CLDN14: variants seen among roughly 807,000 people sequenced by gnomAD.
CLDN14 encodes the protein claudin-14.
CLDN14 carries 2 observed loss-of-function variants against 2.1 expected under a neutral mutation model. The ratio of observed to expected loss-of-function variants is 0.96; its 90% CI spans 0.39 to 3.01. CLDN14 has a LOEUF of 3.01. Among genes scored for constraint, CLDN14 ranks in the 30% most tolerant of loss-of-function variants. CLDN14 has a pLI of 0.09. For synonymous variants in CLDN14, 136 were observed against 154.4 expected (o/e 0.88, Z 0.88); for missense variants, 298 against 328.0 (o/e 0.91, Z 0.71).
intron 1 of CLDN14, among the ~76,000 whole-genome samples, chr21:36,568,440 T>C (rs533989134): frequency 6.6e-6 from 1 of 152,364 alleles, no homozygotes; most frequent in South Asian, 2.1e-4. Context: ...CGGCATCTTC[T>C]ATGGGCAGTC....
chr21:36,564,238 G>C (rs545182571), intron 1 of CLDN14, among the ~76,000 whole-genome samples: 1 of 152,366 alleles, frequency 6.6e-6, no homozygotes, highest in African/African-American at 2.4e-5. Context: ...TATGTGTCAA[G>C]AAGGATGCCT....
chr21:36,531,692 GTT>G (rs11318014), intron 1 of CLDN14, among the ~76,000 whole-genome samples: 51 of 128,464 alleles, frequency 4.0e-4, no homozygotes, highest in Non-Finnish European at 5.2e-4. Context: ...GTCTTTGTCT[GTT>G]TTTTTTTTTT....
rs530192993 is a variant in CLDN14, at chr21:36,573,067, C to T, written c.-220+3344G>A. On this transcript the variant is annotated intron_variant, in intron 1 of 2. Coordinates refer to the CLDN14 transcript ENST00000342108. ...CTGTAATCCCAGCACTTTGGAAGGCCGAGGCAGGTGGATCACGAGGTCAGG... is the reference window on the plus strand; with the variant it reads ...CTGTAATCCCAGCACTTTGGAAGGCTGAGGCAGGTGGATCACGAGGTCAGG... 5.3e-5 allele frequency among the ~76,000 whole-genome samples: 8 copies of T among 151,978 alleles called. No homozygotes were observed. In the East Asian group the frequency reaches 5.8e-4, roughly 11 times the overall value.
chr21:36,556,107 GA>G (rs1375015447), intron 1 of CLDN14, among the ~76,000 whole-genome samples: 2 of 152,110 alleles, frequency 1.3e-5, no homozygotes, highest in Non-Finnish European at 2.9e-5. Flanking sequence ...GCCTGGTGCT[GA>G]GAGCTGCCCC....
chr21:36,540,588 G>A (rs1055982838), intron 1 of CLDN14, among the ~76,000 whole-genome samples: 2 of 151,966 alleles, frequency 1.3e-5, no homozygotes, highest in African/African-American at 4.8e-5. Context: ...TTCCTGCCAG[G>A]ACCAGGGGGG....
At chr21:36,549,276 ACTCTCTCTCT>A (rs1555854100) in intron 1 of CLDN14, among the ~76,000 whole-genome samples, 3 of 139,538 alleles carry the variant, frequency 2.1e-5, no homozygotes, top group African/African-American at 7.8e-5. Flanking sequence ...TTACACACAC[ACTCTCTCTCT>A]CTCTCTCTCT....
intron 1 of CLDN14, among the ~76,000 whole-genome samples, chr21:36,556,014 C>G (rs901219762): frequency 2.6e-5 from 4 of 152,132 alleles, no homozygotes; most frequent in African/African-American, 9.7e-5. Context: ...GATATCACTC[C>G]TGCAAACATC....
intron 1 of CLDN14, among the ~76,000 whole-genome samples, chr21:36,550,714 C>T (rs1017081181): frequency 6.6e-6 from 1 of 152,164 alleles, no homozygotes; most frequent in Non-Finnish European, 1.5e-5. Flanking sequence ...GGTCCCTGCT[C>T]CATCCAACTC....
chr21:36,473,537 A>G (rs2086736172), intron 1 of CLDN14, among the ~76,000 whole-genome samples: 1 of 152,242 alleles, frequency 6.6e-6, no homozygotes, highest in African/African-American at 2.4e-5. Context: ...GGCAGAAGAG[A>G]GGAATTTTCT....
chr21:36,520,707 A>G (rs1238761868), intron 1 of CLDN14, among the ~76,000 whole-genome samples: 1 of 152,194 alleles, frequency 6.6e-6, no homozygotes, highest in Non-Finnish European at 1.5e-5. Flanking sequence ...TTCACACACA[A>G]GGGAGTTATG....
At chr21:36,575,560 G>A (rs1327812011) in intron 1 of CLDN14, among the ~76,000 whole-genome samples, 2 of 151,894 alleles carry the variant, frequency 1.3e-5, no homozygotes, top group East Asian at 3.9e-4. Flanking sequence ...TAGCCAAAGG[G>A]AACAAAAAAA....
intron 2 of CLDN14, among the ~76,000 whole-genome samples, chr21:36,502,090 C>T (rs917322525): frequency 6.6e-6 from 1 of 152,134 alleles, no homozygotes; most frequent in Non-Finnish European, 1.5e-5. Context: ...TAACACACCA[C>T]AATGAGCCAA....
At chr21:36,563,545 T>A (rs542712864) in intron 1 of CLDN14, among the ~76,000 whole-genome samples, 1 of 152,250 alleles carries the variant, frequency 6.6e-6, no homozygotes, top group East Asian at 1.9e-4. Context: ...ATCCTTACAG[T>A]CTTATGAGCC....
At chr21:36,489,951 C>T (rs892094200) in intron 2 of CLDN14, among the ~76,000 whole-genome samples, 2 of 152,156 alleles carry the variant, frequency 1.3e-5, no homozygotes, top group African/African-American at 4.8e-5. Flanking sequence ...AACCAGGAGC[C>T]GTTGAATGAA....
At chr21:36,524,491 C>T (rs931870147) in intron 1 of CLDN14, among the ~76,000 whole-genome samples, 54 of 152,306 alleles carry the variant, frequency 3.5e-4, no homozygotes, top group African/African-American at 1.3e-3. Flanking sequence ...CAGATACCGA[C>T]CGTATGCCAC....
At chr21:36,563,378 C>T (rs995332478) in intron 1 of CLDN14, among the ~76,000 whole-genome samples, 3 of 151,860 alleles carry the variant, frequency 2.0e-5, no homozygotes, top group Middle Eastern at 3.4e-3. Context: ...CTTACCGTAG[C>T]GCTCTCTGTT....
At chr21:36,505,900 T>C (rs368344883) in intron 2 of CLDN14, among the ~76,000 whole-genome samples, 2 of 152,186 alleles carry the variant, frequency 1.3e-5, no homozygotes, top group East Asian at 1.9e-4. Context: ...GCTTTTGTCT[T>C]CTCTGAAAAA....
chr21:36,477,813 T>A (rs948815477), intron 1 of CLDN14, among the ~76,000 whole-genome samples: 1 of 152,172 alleles, frequency 6.6e-6, no homozygotes, highest in Admixed American at 6.5e-5. Flanking sequence ...TTCCCCACAC[T>A]ATGTTGCTGT....
At chr21:36,474,575 G>T (rs542531445) in intron 1 of CLDN14, among the ~76,000 whole-genome samples, 4 of 151,978 alleles carry the variant, frequency 2.6e-5, no homozygotes, top group African/African-American at 9.7e-5. Context: ...CATCAGCTTC[G>T]CCAGATTGCC....
Sources: allele counts gnomAD v4.1 joint callset (sites outside exome capture counted in the v4.1 genomes callset), GRCh38; gene constraint gnomAD v4.1.1; transcripts MANE v1.5; gene names NCBI Gene and HGNC (gene_info 2026-07-23, HGNC 2026-07-21).